The following SLC13A2 variants were observed in gnomAD, a reference collection of about 807,000 sequenced individuals.
SLC13A2 encodes solute carrier family 13 member 2, also known as Na(+)-coupled citrate transporter.
In SLC13A2, 40 loss-of-function variants were observed where a neutral mutation model predicts 58.5. That is an observed-to-expected ratio of 0.68 (90% CI 0.53 to 0.89). SLC13A2 has a LOEUF of 0.89. SLC13A2 is among the 40% of genes least tolerant of loss of function. The pLI is 0.00. For missense variants in SLC13A2, 694 were observed against 772.6 expected, an observed-to-expected ratio of 0.90 and a Z score of 1.21; for synonymous variants, 341 against 331.6, an observed-to-expected ratio of 1.03 and a Z score of -0.31.
intron 1 of SLC13A2, among the ~76,000 whole-genome samples, chr17:28,482,395 T>G (rs782578255): frequency 9.2e-5 from 14 of 152,188 alleles, no homozygotes; most frequent in South Asian, 2.1e-4. Flanking sequence ...TGTAGTCTTA[T>G]GTATTTTATT....
chr17:28,493,620 G>T lies in SLC13A2; in HGVS notation c.928G>T (p.Ala310Ser). 6.2e-7 allele frequency: 1 copy of T among 1,612,540 alleles called. No individual in the cohort carries two copies. Among genetic ancestry groups the T allele is most frequent in the Non-Finnish European group, 8.5e-7 (1 of 1,178,724 alleles). Residue 310 changes from alanine to serine, a missense_variant, in exon 7 of 12, where the codon GCA becomes TCA. Transcript: ENST00000314669. ...IGEKMQEQQQAAYCVIQTEHR... is the reference protein window; with the variant it reads ...IGEKMQEQQQSAYCVIQTEHR... The stretch of plus-strand genomic sequence containing the variant: ...GGAAAAGATGCAGGAGCAACAGCAG[G>T]CAGCCTACTGCGTCATCCAGACCGA...
chr17:28,477,288 G>A (rs1456911003), intron 1 of SLC13A2, among the ~76,000 whole-genome samples: 1 of 147,830 alleles, frequency 6.8e-6, no homozygotes, highest in African/African-American at 2.5e-5. Flanking sequence ...CCGCCTCCCA[G>A]GTTCATGCCA....
Position 28,490,697 on chromosome 17 carries a change from C to T in SLC13A2, c.369-4C>T, listed in dbSNP as rs1555603139. The T allele has an allele frequency of 4.3e-6, 7 of 1,610,668 alleles. No individual in the cohort carries two copies. Among genetic ancestry groups the T allele is most frequent in the Non-Finnish European group, 5.9e-6 (7 of 1,177,452 alleles). On this transcript the variant is annotated splice_region_variant and splice_polypyrimidine_tract_variant and intron_variant, in intron 3 of 11. Coordinates refer to ENST00000314669, the MANE Select transcript of SLC13A2 (RefSeq NM_003984.4). ...CAGCAGTGTGTCTGTCTGCCCATCC[C>T]TAGGCTAATCCTGGGCTTCATGCTG...
intron 1 of SLC13A2, among the ~76,000 whole-genome samples, chr17:28,477,476 G>A (rs897559195): frequency 2.0e-4 from 30 of 151,928 alleles, no homozygotes; most frequent in East Asian, 4.0e-4. Flanking sequence ...TTACAGGCGT[G>A]AGCCACCATG....
At chr17:28,492,421 C>T (rs1555603709) in intron 6 of SLC13A2, among the ~76,000 whole-genome samples, 1 of 152,166 alleles carries the variant, frequency 6.6e-6, no homozygotes, top group East Asian at 1.9e-4. Flanking sequence ...CATGCCTGGG[C>T]TGAATCTTGC....
At chr17:28,495,127 G>T (rs2069113807) in intron 9 of SLC13A2, among the ~76,000 whole-genome samples, 1 of 152,162 alleles carries the variant, frequency 6.6e-6, no homozygotes, top group Non-Finnish European at 1.5e-5. Context: ...GCGAGATTAA[G>T]TCCCACCTTA....
intron 1 of SLC13A2, among the ~76,000 whole-genome samples, chr17:28,476,290 C>T (rs1555599896): frequency 6.6e-6 from 1 of 152,140 alleles, no homozygotes; most frequent in African/African-American, 2.4e-5. Flanking sequence ...CTACATTGGC[C>T]AGGCGCAGTG....
At chr17:28,485,150 G>A (rs1256310751) in intron 1 of SLC13A2, among the ~76,000 whole-genome samples, 1 of 152,216 alleles carries the variant, frequency 6.6e-6, no homozygotes, top group African/African-American at 2.4e-5. Flanking sequence ...GGAGGAGGCA[G>A]GGCCAGAGGT....
At chr17:28,490,034 G>C (rs936993186) in intron 2 of SLC13A2, among the ~76,000 whole-genome samples, 6 of 152,198 alleles carry the variant, frequency 3.9e-5, no homozygotes, top group Non-Finnish European at 5.9e-5. Flanking sequence ...AGCACTTTAG[G>C]GGGCCAAGGC....
chr17:28,474,253 G>A lies in SLC13A2; in HGVS notation c.102+439G>A, dbSNP rs112474638. Among the ~76,000 whole-genome samples the A allele has an allele frequency of 1.1e-4, 16 of 152,174 alleles. No homozygotes were observed. In the East Asian group the frequency reaches 1.9e-3, roughly 18 times the overall value. On this transcript the variant is annotated intron_variant, in intron 1 of 11. Coordinates refer to ENST00000314669, the MANE Select transcript of SLC13A2 (RefSeq NM_003984.4). ...GAATAGGAGAAAGCTGGCTGCAGGC[G>A]GTCTGCATCTTTAAGAGCATAAACA...
At chr17:28,486,524 C>T (rs896262571) in intron 1 of SLC13A2, among the ~76,000 whole-genome samples, 4 of 152,120 alleles carry the variant, frequency 2.6e-5, no homozygotes, top group Non-Finnish European at 4.4e-5. Flanking sequence ...CAAAGCCACC[C>T]GGGGTTAATG....
intron 1 of SLC13A2, 69 bp from the exon 2 acceptor site, chr17:28,489,145 A>T (rs1472723029): frequency 6.4e-7 from 1 of 1,565,936 alleles, no homozygotes. Context: ...TTTGTCTGAC[A>T]GACAGGAGGT....
At chr17:28,485,040 G>A (rs1368243075) in intron 1 of SLC13A2, among the ~76,000 whole-genome samples, 1 of 152,146 alleles carries the variant, frequency 6.6e-6, no homozygotes, top group African/African-American at 2.4e-5. Context: ...AAGAGGCTAC[G>A]CCCCCGTCCT....
Position 28,489,214 on chromosome 17 carries a change from G to C in SLC13A2, c.103G>C (p.Glu35Gln), listed in dbSNP as rs1555602568. 6.2e-7 allele frequency: 1 copy of C among 1,613,248 alleles called. No homozygotes were observed. ...LPLPILVPSK[E>Q]AYCAYAIILM... Reference sequence around the variant, plus strand: ...TCTGCCGCTTCTCTCCCACCTGCAGGAGGCCTACTGCGCGTATGCCATCAT... The same window carrying C: ...TCTGCCGCTTCTCTCCCACCTGCAGCAGGCCTACTGCGCGTATGCCATCAT... Residue 35 changes from glutamate to glutamine, a missense_variant and splice_region_variant, in exon 2 of 12, where the codon GAG becomes CAG. Glu to Gln is a conservative substitution (Grantham distance 29). Transcript: ENST00000314669.
intron 7 of SLC13A2, 102 bp from the exon 8 acceptor site, chr17:28,493,915 G>A: frequency 6.8e-7 from 1 of 1,466,694 alleles, no homozygotes. Flanking sequence ...GGTTCCCCAG[G>A]CTTGTCTATG....
At chr17:28,486,849 G>C (rs1215470034) in intron 1 of SLC13A2, among the ~76,000 whole-genome samples, 2 of 149,030 alleles carry the variant, frequency 1.3e-5, no homozygotes, top group Non-Finnish European at 3.0e-5. Context: ...GACTGGAGTA[G>C]TGCAGTGGCG....
intron 1 of SLC13A2, among the ~76,000 whole-genome samples, chr17:28,481,136 G>A (rs1172376692): frequency 2.0e-5 from 3 of 152,212 alleles, no homozygotes; most frequent in Non-Finnish European, 4.4e-5. Context: ...TAATCCAGCA[G>A]CGAGGCTCAG....
intron 1 of SLC13A2, among the ~76,000 whole-genome samples, chr17:28,479,252 G>A (rs1324590609): frequency 1.3e-5 from 2 of 152,144 alleles, no homozygotes; most frequent in African/African-American, 4.8e-5. Context: ...CACAGCTCTG[G>A]GTAAAGAGCC....
At position 28,494,103 on chromosome 17, in the gene SLC13A2, C is replaced by G. The variant is rs1567859393; in HGVS notation, c.1184C>G (p.Pro395Arg). 1 of 1,613,922 alleles carries G rather than the reference C, an allele frequency of 6.2e-7. No homozygotes were observed. Among genetic ancestry groups the G allele is most frequent in the Non-Finnish European group, 8.5e-7 (1 of 1,179,806 alleles). The change falls in exon 8 of 12, where the codon CCA becomes CGA. Residue 395 changes from proline (P) to arginine (R), a missense_variant and splice_region_variant. Pro to Arg is a moderately radical substitution (Grantham distance 103). Coordinates refer to ENST00000314669, the MANE Select transcript of SLC13A2 (RefSeq NM_003984.4). The surrounding 1 kb of genome is among the most constrained non-coding windows in gnomAD (Gnocchi z 4.0). ...PSKFPGLTQD[P>R]ENPGKLKAPL... ...AAGTTCCCAGGGCTGACCCAGGACCCAGGTAAGCACCTGGACTGGGGCAGG... is the reference window on the plus strand; with the variant it reads ...AAGTTCCCAGGGCTGACCCAGGACCGAGGTAAGCACCTGGACTGGGGCAGG...
Sources: allele counts gnomAD v4.1 joint callset (sites outside exome capture counted in the v4.1 genomes callset), GRCh38; gene constraint gnomAD v4.1.1; non-coding constraint Gnocchi (gnomAD v3.1); transcripts MANE v1.5; gene names NCBI Gene and HGNC (gene_info 2026-07-23, HGNC 2026-07-21).